Variants in VGLL4 observed in about 807,000 individuals in gnomAD.
The protein encoded by VGLL4 is vestigial like family member 4, also known as transcription cofactor vestigial-like protein 4.
In VGLL4, 7 loss-of-function variants were observed where a neutral mutation model predicts 21.0. The observed-to-expected ratio is 0.33, with a 90% CI of 0.19 to 0.63. The LOEUF (loss-of-function observed/expected upper bound fraction) is 0.63. VGLL4 is among the 20% of genes least tolerant of loss of function. The pLI is 0.78. For missense variants in VGLL4, 394 were observed against 425.7 expected (o/e 0.93, Z 0.66); for synonymous variants, 222 against 173.2 (o/e 1.28, Z -2.21).
rs186121946 is a variant in VGLL4, at chr3:11,627,127, A to G, written c.82+16310T>C. ...TGGAACTGGCTTCAGAATGACAGAGAAAAAACTAGCTCTTCACTTTATAGG... is the reference window on the plus strand; with the variant it reads ...TGGAACTGGCTTCAGAATGACAGAGGAAAAACTAGCTCTTCACTTTATAGG... On this transcript the variant is annotated intron_variant, in intron 1 of 4. Transcript: ENST00000430365. Among the ~76,000 whole-genome samples, 445 of 152,196 alleles carry G rather than the reference A, an allele frequency of 2.9e-3. 2 individuals are homozygous for G. The highest frequency in any genetic ancestry group is 5.4e-3 in the Non-Finnish European group (365 of 68,016).
chr3:11,583,076 A>C (rs1179924696), intron 2 of VGLL4, among the ~76,000 whole-genome samples: 1 of 152,200 alleles, frequency 6.6e-6, no homozygotes, highest in African/African-American at 2.4e-5. Flanking sequence ...GTGAAGCAGA[A>C]GATTTTCAGC....
intron 2 of VGLL4, among the ~76,000 whole-genome samples, chr3:11,657,630 A>G (rs536009816): frequency 6.6e-6 from 1 of 152,326 alleles, no homozygotes; most frequent in South Asian, 2.1e-4. Flanking sequence ...CCGTAAAATG[A>G]AGAGATCTAA....
intron 2 of VGLL4, among the ~76,000 whole-genome samples, chr3:11,697,270 G>A (rs1225244548): frequency 1.4e-5 from 2 of 147,644 alleles, no homozygotes; most frequent in Non-Finnish European, 3.0e-5. Flanking sequence ...CCAGCTAATT[G>A]TGGTTTTTTT....
chr3:11,698,116 G>A (rs2076629756), intron 2 of VGLL4, among the ~76,000 whole-genome samples: 1 of 152,196 alleles, frequency 6.6e-6, no homozygotes, highest in Non-Finnish European at 1.5e-5. Flanking sequence ...CAATAAAATG[G>A]AATATCATGT....
chr3:11,558,973 G>A, intron 4 of VGLL4, 146 bp from the exon 5 acceptor site: 2 of 982,268 alleles, frequency 2.0e-6, no homozygotes, highest in Non-Finnish European at 3.0e-6. Flanking sequence ...ACCTCCCCCG[G>A]CTAAGTCAGG....
intron 2 of VGLL4, among the ~76,000 whole-genome samples, chr3:11,598,027 T>C (rs2074689107): frequency 4.1e-5 from 2 of 48,862 alleles, no homozygotes; most frequent in South Asian, 7.8e-4. Flanking sequence ...TTACTCTCTG[T>C]TGCCTTTTTT....
intron 1 of VGLL4, chr3:11,703,060 A>C (rs760951776): frequency 6.5e-7 from 1 of 1,533,156 alleles, no homozygotes; most frequent in South Asian, 1.1e-5. Context: ...AAGAGGAAAA[A>C]ATAAAAGGGG....
chr3:11,578,753 T>TTTTC (rs1553724412), intron 2 of VGLL4, among the ~76,000 whole-genome samples: 1 of 134,104 alleles, frequency 7.5e-6, no homozygotes, highest in Non-Finnish European at 1.6e-5. Context: ...ATTTTCTTTT[T>TTTTC]TTTTTTTTTT....
At chr3:11,655,512 C>G (rs2075944520) in intron 2 of VGLL4, among the ~76,000 whole-genome samples, 1 of 152,208 alleles carries the variant, frequency 6.6e-6, no homozygotes, top group African/African-American at 2.4e-5. Flanking sequence ...ACCAAACCCA[C>G]CACCCCCATT....
At chr3:11,603,031 G>A (rs951744958) in intron 1 of VGLL4, among the ~76,000 whole-genome samples, 5 of 152,114 alleles carry the variant, frequency 3.3e-5, no homozygotes, top group African/African-American at 9.7e-5. Flanking sequence ...AGAGTAATAC[G>A]AGGATAAAGT....
intron 2 of VGLL4, among the ~76,000 whole-genome samples, chr3:11,595,076 G>A (rs151249708): frequency 4.4e-4 from 67 of 152,300 alleles, no homozygotes; most frequent in Middle Eastern, 6.8e-3. Flanking sequence ...CAGGAGAATC[G>A]CTGGAACCCA....
intron 2 of VGLL4, among the ~76,000 whole-genome samples, chr3:11,682,652 G>C (rs187835808): frequency 3.3e-5 from 5 of 152,042 alleles, no homozygotes; most frequent in African/African-American, 9.7e-5. Context: ...AGAGTACCAG[G>C]AGTAGTTACA....
chr3:11,574,730 G>A (rs998691895), intron 2 of VGLL4, among the ~76,000 whole-genome samples: 2 of 150,746 alleles, frequency 1.3e-5, no homozygotes, highest in Admixed American at 6.6e-5. Flanking sequence ...GACACATGTC[G>A]AAACTTCACT....
chr3:11,575,907 G>A (rs573282493), intron 2 of VGLL4, among the ~76,000 whole-genome samples: 53 of 152,308 alleles, frequency 3.5e-4, no homozygotes, highest in Admixed American at 1.4e-3. Flanking sequence ...CTAGAGAGGC[G>A]GGACTCACGG....
chr3:11,629,881 G>A (rs994355153), intron 1 of VGLL4, among the ~76,000 whole-genome samples: 19 of 152,088 alleles, frequency 1.2e-4, no homozygotes, highest in African/African-American at 4.3e-4. Context: ...TTGGAGTTAC[G>A]AGAGCTTAAT....
In VGLL4 at chr3:11,557,183, C is replaced by T. The variant is rs1176336152; in HGVS notation, c.*1373G>A. 1.3e-5 allele frequency: 2 copies of T among 152,774 alleles called. No individual in the cohort carries two copies. Among genetic ancestry groups the T allele is most frequent in the African/African-American group, 4.8e-5 (2 of 41,464 alleles). 9.5% of individuals were successfully genotyped at this position (152,774 alleles called of 1,614,324 possible). Reference sequence around the variant, plus strand: ...AAAGGAGCAGCTGTGACCTCCACAGCTGTGTCTGTCATGCTTGCTTCATCT... The same window carrying T: ...AAAGGAGCAGCTGTGACCTCCACAGTTGTGTCTGTCATGCTTGCTTCATCT... On this transcript the variant is annotated 3_prime_UTR_variant, in exon 5 of 5. Transcript: ENST00000430365.
chr3:11,558,430 T>C lies in VGLL4; in HGVS notation c.*126A>G, dbSNP rs1472971482. 4 of 1,391,906 alleles carry C rather than the reference T, an allele frequency of 2.9e-6. No individual in the cohort carries two copies. The highest frequency in any genetic ancestry group is 3.8e-6 in the Non-Finnish European group (4 of 1,053,938). 86.2% of individuals were successfully genotyped at this position (1,391,906 alleles called of 1,614,324 possible). A position where few individuals can be genotyped will look rare whatever the true frequency, so the allele number is the denominator to read the frequency against. ...AACACAAATCCCAACAACATGGTTT[T>C]TGCAAATAAACCATCCCTTCCCTTC... On this transcript the variant is annotated 3_prime_UTR_variant, in exon 5 of 5. Coordinates refer to ENST00000430365, the MANE Select transcript of VGLL4 (RefSeq NM_001128219.3).
intron 1 of VGLL4, among the ~76,000 whole-genome samples, chr3:11,717,483 A>T (rs1352704794): frequency 8.3e-6 from 1 of 120,370 alleles, no homozygotes; most frequent in Admixed American, 8.6e-5. Flanking sequence ...GGAATTTCCC[A>T]CTACAGATTT....
intron 1 of VGLL4, among the ~76,000 whole-genome samples, chr3:11,633,920 A>G (rs2075536380): frequency 1.3e-5 from 2 of 152,210 alleles, no homozygotes; most frequent in African/African-American, 4.8e-5. Context: ...ATGTAAACCT[A>G]GAAGAAGATG....
Sources: allele counts gnomAD v4.1 joint callset (sites outside exome capture counted in the v4.1 genomes callset), GRCh38; gene constraint gnomAD v4.1.1; transcripts MANE v1.5; gene names NCBI Gene and HGNC (gene_info 2026-07-23, HGNC 2026-07-21).